The following SMOC1 variants were observed in gnomAD, a reference collection of about 807,000 sequenced individuals.
The protein encoded by SMOC1 is SPARC related modular calcium binding 1, also known as SPARC-related modular calcium-binding protein 1.
A neutral mutation model predicts 56.3 loss-of-function variants in SMOC1; 22 were observed. That is an observed-to-expected ratio of 0.39 (90% CI 0.28 to 0.56). The LOEUF (loss-of-function observed/expected upper bound fraction) is 0.56. SMOC1 is among the 20% of genes least tolerant of loss of function. The pLI, the probability that SMOC1 is intolerant of heterozygous loss-of-function variation, is 0.61. For synonymous variants in SMOC1, 193 were observed against 215.0 expected (o/e 0.90, Z 0.89); for missense variants, 509 against 565.4 (o/e 0.90, Z 1.01).
At chr14:69,911,438 G>A (rs1884553371) in intron 1 of SMOC1, among the ~76,000 whole-genome samples, 2 of 152,176 alleles carry the variant, frequency 1.3e-5, no homozygotes, top group South Asian at 2.1e-4. Flanking sequence ...ATACAGTTGT[G>A]TAACCACCAC....
chr14:70,022,786 C>T (rs1885777656), intron 10 of SMOC1, among the ~76,000 whole-genome samples: 1 of 152,242 alleles, frequency 6.6e-6, no homozygotes, highest in Non-Finnish European at 1.5e-5. Flanking sequence ...TCCCCACAGT[C>T]AGTCCACCAC....
At chr14:69,999,505 G>A (rs941275391) in intron 7 of SMOC1, among the ~76,000 whole-genome samples, 4 of 152,198 alleles carry the variant, frequency 2.6e-5, no homozygotes, top group Non-Finnish European at 5.9e-5. Context: ...ATCCACTAAC[G>A]TTAGCAGCCG....
chr14:69,887,655 C>A (rs1369328153), intron 1 of SMOC1, among the ~76,000 whole-genome samples: 1 of 152,190 alleles, frequency 6.6e-6, no homozygotes, highest in Non-Finnish European at 1.5e-5. Context: ...TAAAATAACC[C>A]CACTGGGGAG....
intron 1 of SMOC1, among the ~76,000 whole-genome samples, chr14:69,931,474 CT>C (rs1320532092): frequency 6.6e-6 from 1 of 152,236 alleles, no homozygotes; most frequent in Non-Finnish European, 1.5e-5. Flanking sequence ...AGAGCATTGG[CT>C]TTTGGAGGAA....
chr14:69,972,065 C>G (rs140026933), intron 3 of SMOC1, among the ~76,000 whole-genome samples: 1 of 152,290 alleles, frequency 6.6e-6, no homozygotes, highest in African/African-American at 2.4e-5. Flanking sequence ...ATTGAATTCT[C>G]TTAACAACTA....
chr14:69,897,868 C>G lies in SMOC1; in HGVS notation c.99+18091C>G, dbSNP rs190576383. ...AGTTTTAATTTTGCCTCCACTTGTT[C>G]TTTCTCTAATGCTCTTTCTTTATGT... On this transcript the variant is annotated intron_variant, in intron 1 of 11. Transcript: ENST00000361956. Among the ~76,000 whole-genome samples the G allele has an allele frequency of 8.0e-4, 122 of 152,238 alleles. 1 individual carries two copies. Among genetic ancestry groups the G allele is most frequent in the African/African-American group, 2.7e-3 (114 of 41,546 alleles).
rs546550657 is a variant in SMOC1 at position 69,903,709 on chromosome 14, C to G, written c.99+23932C>G. 3.4e-3 allele frequency among the ~76,000 whole-genome samples: 520 copies of G among 152,190 alleles called. 1 individual carries two copies. The highest frequency in any genetic ancestry group is 0.012 in the African/African-American group (497 of 41,494). On this transcript the variant is annotated intron_variant, in intron 1 of 11. Coordinates refer to ENST00000361956, the MANE Select transcript of SMOC1 (RefSeq NM_001034852.3). ...TAAACAGATGCTTGAAGGCAGCATG[C>G]TCGTTAATAGTCATCACCACTCCCT...
rs1182270825 is a variant in SMOC1 at position 70,010,822 on chromosome 14, G to A, written c.733G>A (p.Gly245Ser). The A allele has an allele frequency of 4.3e-6, 7 of 1,614,208 alleles. No homozygotes were observed. The highest frequency in any genetic ancestry group is 5.9e-6 in the Non-Finnish European group (7 of 1,180,034). The change falls in exon 8 of 12, where the codon GGT (glycine) becomes AGT (serine). Residue 245 changes from glycine (G) to serine (S), a missense_variant. By Grantham distance (56) the Gly-to-Ser change is moderately conservative. Coordinates refer to ENST00000361956, the MANE Select transcript of SMOC1 (RefSeq NM_001034852.3). ...LEEAQQNPRE[G>S]IVIPECAPGG... ...AGAGGCCCAGCAGAATCCCCGTGAG[G>A]GTATTGTCATCCCTGAATGTGCCCC...
chr14:69,911,725 G>T (rs753179301), intron 1 of SMOC1, among the ~76,000 whole-genome samples: 2 of 152,216 alleles, frequency 1.3e-5, no homozygotes, highest in Admixed American at 6.5e-5. Context: ...TGATGTGAAT[G>T]TATCATGGTT....
chr14:69,983,840 C>A (rs1248709763), intron 5 of SMOC1, among the ~76,000 whole-genome samples: 3 of 152,242 alleles, frequency 2.0e-5, no homozygotes, highest in African/African-American at 7.2e-5. Context: ...GGCCTTGGGC[C>A]TGCTTCTGAC....
chr14:69,998,280 C>T (rs1047224549), intron 7 of SMOC1, among the ~76,000 whole-genome samples: 1 of 152,184 alleles, frequency 6.6e-6, no homozygotes, highest in Non-Finnish European at 1.5e-5. Flanking sequence ...CATTGCATCT[C>T]CAGTGCACCA....
At chr14:69,923,416 T>C (rs898393461) in intron 1 of SMOC1, among the ~76,000 whole-genome samples, 1 of 152,194 alleles carries the variant, frequency 6.6e-6, no homozygotes, top group Non-Finnish European at 1.5e-5. Flanking sequence ...ATTGGGGTGG[T>C]GGGAGCACAG....
intron 1 of SMOC1, among the ~76,000 whole-genome samples, chr14:69,900,826 A>G (rs990219675): frequency 2.6e-5 from 4 of 152,278 alleles, no homozygotes; most frequent in Admixed American, 6.5e-5. Flanking sequence ...TGCTTGCCAC[A>G]GCTGATTAAA....
intron 3 of SMOC1, among the ~76,000 whole-genome samples, chr14:69,960,991 A>G (rs1883349316): frequency 6.6e-6 from 1 of 152,136 alleles, no homozygotes; most frequent in Admixed American, 6.5e-5. Context: ...TTATGCAACC[A>G]TCATCATTAT....
In SMOC1 at chr14:70,013,473, C is replaced by A; in HGVS notation, c.1028C>A (p.Ala343Glu). The change falls in exon 10 of 12, where the codon GCG (alanine) becomes GAG (glutamate). Residue 343 changes from alanine to glutamate, a missense_variant. Transcript: ENST00000361956. The stretch of plus-strand genomic sequence containing the variant: ...ATGGTTCAGGCCATTAACTCAGCAG[C>A]GCCCACTGGAGGTGGGAGGTGAGAT... ...TDMVQAINSAAPTGGGRFSEP... is the reference protein window; with the variant it reads ...TDMVQAINSAEPTGGGRFSEP... The A allele has an allele frequency of 6.2e-7, 1 of 1,614,122 alleles. No individual in the cohort carries two copies. Among genetic ancestry groups the A allele is most frequent in the Middle Eastern group, 1.7e-4 (1 of 6,060 alleles).
At chr14:70,001,650 C>G (rs1884973897) in intron 7 of SMOC1, among the ~76,000 whole-genome samples, 1 of 152,170 alleles carries the variant, frequency 6.6e-6, no homozygotes, top group South Asian at 2.1e-4. Flanking sequence ...AGGGATAGGG[C>G]AGGAAGACCA....
chr14:69,887,772 C>T (rs116057277), intron 1 of SMOC1, among the ~76,000 whole-genome samples: 1,969 of 152,288 alleles, frequency 0.013, 36 homozygotes, highest in African/African-American at 0.045. Flanking sequence ...GGGCAGTCTT[C>T]CCTTTTCCTT....
At chr14:69,925,933 C>T (rs750647111) in intron 1 of SMOC1, among the ~76,000 whole-genome samples, 43 of 152,248 alleles carry the variant, frequency 2.8e-4, no homozygotes, top group Non-Finnish European at 5.1e-4. Context: ...CTGCGCACAC[C>T]CTGGAGAGGA....
At chr14:70,020,511 AC>A (rs1327650494) in intron 10 of SMOC1, among the ~76,000 whole-genome samples, 1 of 152,040 alleles carries the variant, frequency 6.6e-6, no homozygotes, top group Non-Finnish European at 1.5e-5. Context: ...AGGCAACAGG[AC>A]CCTCGGGCCT....
Sources: gnomAD v4.1 joint callset for allele counts (sites outside exome capture counted in the v4.1 genomes callset) on GRCh38, gnomAD v4.1.1 for gene constraint, MANE v1.5 for transcripts, NCBI Gene and HGNC (gene_info 2026-07-23, HGNC 2026-07-21) for gene names.